The following ABHD18 variants were observed in gnomAD, a reference collection of about 807,000 sequenced individuals.
The protein encoded by ABHD18 is cardiolipin-specific deacylase, mitochondrial.
In ABHD18, 55 loss-of-function variants were observed where a neutral mutation model predicts 65.9. The observed-to-expected ratio is 0.84, with a 90% confidence interval of 0.67 to 1.05. ABHD18 has a LOEUF of 1.05. Among genes scored for constraint, ABHD18 ranks in the 50% least tolerant of loss-of-function variants. ABHD18 has a pLI of 0.00. For missense variants in ABHD18, 533 were observed against 558.5 expected, an observed-to-expected ratio of 0.95 and a Z score of 0.46; for synonymous variants, 181 against 180.2, an observed-to-expected ratio of 1.00 and a Z score of -0.04.
At chr4:128,024,082 A>G (rs1311172323) in intron 10 of ABHD18, among the ~76,000 whole-genome samples, 2 of 152,214 alleles carry the variant, frequency 1.3e-5, no homozygotes, top group African/African-American at 4.8e-5. Flanking sequence ...TGGGAAATTT[A>G]TAAGACCAGA....
chr4:128,013,064 CAAAAAA>C (rs1199459823), intron 7 of ABHD18, among the ~76,000 whole-genome samples: 3 of 60,482 alleles, frequency 5.0e-5, no homozygotes, highest in African/African-American at 6.4e-5. Context: ...GACTCCATCC[CAAAAAA>C]AAAAAAAAAA....
intron 6 of ABHD18, chr4:128,009,556 T>G (rs1754183792): frequency 6.3e-6 from 1 of 157,668 alleles, no homozygotes; most frequent in Non-Finnish European, 1.4e-5. Context: ...CAAGATGACG[T>G]CAGACTATTC....
intron 10 of ABHD18, among the ~76,000 whole-genome samples, chr4:128,026,871 C>T (rs571951216): frequency 2.0e-5 from 3 of 151,428 alleles, no homozygotes; most frequent in Non-Finnish European, 2.9e-5. Flanking sequence ...TTGTAACCTC[C>T]GCCTCCTGGG....
At chr4:128,012,064 G>A (rs1459783783) in intron 7 of ABHD18, among the ~76,000 whole-genome samples, 1 of 150,730 alleles carries the variant, frequency 6.6e-6, no homozygotes, top group Non-Finnish European at 1.5e-5. Flanking sequence ...TGGAACCTCT[G>A]CCTCCTGGGT....
rs150894654 is a variant in ABHD18 at position 128,019,999 on chromosome 4, C to T, written c.610-81C>T. On this transcript the variant is annotated intron_variant, in intron 8 of 12. Coordinates refer to ENST00000645843, the MANE Select transcript of ABHD18 (RefSeq NM_001358451.3). ...TTTATCTGACCAACTATTTACTGCA[C>T]GGAATGCTTATTAATATTAAATATT... 1.9e-3 allele frequency: 1,686 copies of T among 905,190 alleles called. 20 individuals carry two copies. The African/African-American group carries it at 0.024, about 13-fold the overall frequency. 56.1% of individuals were successfully genotyped at this position (905,190 alleles called of 1,614,324 possible).
intron 10 of ABHD18, among the ~76,000 whole-genome samples, chr4:128,025,885 C>T (rs917780225): frequency 2.0e-5 from 3 of 152,164 alleles, no homozygotes; most frequent in African/African-American, 4.8e-5. Flanking sequence ...TGGCTGGGCA[C>T]GACGGCTCAC....
At chr4:127,994,119 C>G (rs1251441524) in intron 4 of ABHD18, among the ~76,000 whole-genome samples, 2 of 152,132 alleles carry the variant, frequency 1.3e-5, no homozygotes, top group East Asian at 1.9e-4. Context: ...TGCAAGCATT[C>G]TTTTCCGTTA....
intron 1 of ABHD18, among the ~76,000 whole-genome samples, chr4:127,968,387 A>C (rs957362951): frequency 6.6e-6 from 1 of 152,224 alleles, no homozygotes; most frequent in Non-Finnish European, 1.5e-5. Context: ...TAGAAGTGAA[A>C]TTACAAGATA....
At chr4:127,966,356 A>G (rs1745374377) in intron 1 of ABHD18, among the ~76,000 whole-genome samples, 1 of 152,166 alleles carries the variant, frequency 6.6e-6, no homozygotes, top group South Asian at 2.1e-4. Flanking sequence ...AGATCCAGAC[A>G]AGTTAACCCA....
chr4:127,974,296 C>G (rs2149046172), intron 1 of ABHD18, among the ~76,000 whole-genome samples: 1 of 148,686 alleles, frequency 6.7e-6, no homozygotes, highest in African/African-American at 2.5e-5. Context: ...CTCCTGGGCT[C>G]AAGCTATCCT....
chr4:128,011,479 G>GTT (rs33994912), intron 6 of ABHD18, among the ~76,000 whole-genome samples, 194 bp from the exon 7 acceptor site: 81 of 141,086 alleles, frequency 5.7e-4, no homozygotes, highest in Middle Eastern at 3.6e-3. Context: ...AGTAAAGCTG[G>GTT]TTTTTTTTTT....
chr4:127,985,248 T>C (rs961243275), intron 3 of ABHD18, among the ~76,000 whole-genome samples: 1 of 152,100 alleles, frequency 6.6e-6, no homozygotes, highest in Non-Finnish European at 1.5e-5. Context: ...AGGAGGCACC[T>C]GGTTTTCTGT....
intron 6 of ABHD18, 102 bp from the exon 7 acceptor site, chr4:128,011,571 A>C (rs1754585413): frequency 1.3e-6 from 1 of 741,524 alleles, no homozygotes; most frequent in African/African-American, 1.8e-5. Flanking sequence ...GAATGGAGTT[A>C]TTTCAGTATT....
intron 3 of ABHD18, among the ~76,000 whole-genome samples, chr4:127,989,074 T>C (rs144040152): frequency 4.1e-4 from 63 of 152,320 alleles, no homozygotes; most frequent in African/African-American, 1.3e-3. Flanking sequence ...AAATATGCAG[T>C]GAAATATTAT....
rs201070117 is a variant in ABHD18 at position 128,023,966 on chromosome 4, A to C, written c.801+2728A>C. Reference sequence around the variant, plus strand: ...ATACCTGTATTTGAAAGTTTATGAGAAACTTACATGTATGTTTTAAAGGAA... The same window carrying C: ...ATACCTGTATTTGAAAGTTTATGAGCAACTTACATGTATGTTTTAAAGGAA... On this transcript the variant is annotated intron_variant, in intron 10 of 12. Coordinates refer to ENST00000645843, the MANE Select transcript of ABHD18 (RefSeq NM_001358451.3). Among the ~76,000 whole-genome samples, 9 of 152,388 alleles carry C rather than the reference A, an allele frequency of 5.9e-5. No individual in the cohort carries two copies. The East Asian group carries it at 1.7e-3, about 29-fold the overall frequency.
intron 7 of ABHD18, among the ~76,000 whole-genome samples, chr4:128,013,102 G>A (rs1754860721): frequency 6.6e-6 from 1 of 151,318 alleles, no homozygotes; most frequent in African/African-American, 2.4e-5. Context: ...GGACCAGATG[G>A]TGAAAAGCCA....
intron 7 of ABHD18, among the ~76,000 whole-genome samples, chr4:128,016,623 A>T (rs1755546280): frequency 6.6e-6 from 1 of 151,302 alleles, no homozygotes; most frequent in Non-Finnish European, 1.5e-5. Context: ...AAAAATACAA[A>T]AATTAGCCAG....
At chr4:128,011,973 T>A (rs1228888808) in intron 7 of ABHD18, among the ~76,000 whole-genome samples, 1 of 151,948 alleles carries the variant, frequency 6.6e-6, no homozygotes, top group Admixed American at 6.6e-5. Flanking sequence ...GAAGAAATGA[T>A]AAAACCCTTT....
chr4:128,033,705 T>G (rs1758531551), intron 12 of ABHD18, among the ~76,000 whole-genome samples: 1 of 150,884 alleles, frequency 6.6e-6, no homozygotes, highest in Non-Finnish European at 1.5e-5. Context: ...CCGGCTAATT[T>G]TTTTCTATTT....
Sources: allele counts gnomAD v4.1 joint callset (sites outside exome capture counted in the v4.1 genomes callset), GRCh38; gene constraint gnomAD v4.1.1; transcripts MANE v1.5; gene names NCBI Gene and HGNC (gene_info 2026-07-23, HGNC 2026-07-21).